CNTNAP3B: variants seen among roughly 807,000 people sequenced by gnomAD.
The protein encoded by CNTNAP3B is contactin-associated protein-like 3B.
A neutral mutation model predicts 108.9 loss-of-function variants in CNTNAP3B; 25 were observed. That is an observed-to-expected ratio of 0.23 (90% confidence interval 0.17 to 0.32). CNTNAP3B has a LOEUF of 0.32. Ranked by LOEUF, CNTNAP3B falls within the 10% of genes least tolerant of loss-of-function variation. CNTNAP3B has a pLI of 1.00. For synonymous variants in CNTNAP3B, 103 were observed against 473.4 expected, an observed-to-expected ratio of 0.22 and a Z score of 10.16; for missense variants, 252 against 1,210.4, an observed-to-expected ratio of 0.21 and a Z score of 11.75.
intron 15 of CNTNAP3B, among the ~76,000 whole-genome samples, chr9:41,924,408 A>G (rs1173914585): frequency 1.3e-5 from 2 of 152,306 alleles, no homozygotes; most frequent in East Asian, 1.9e-4. Context: ...GGTACGACCA[A>G]CAGAACTTAC....
At chr9:41,958,335 T>A (rs1824940510) in intron 12 of CNTNAP3B, among the ~76,000 whole-genome samples, 1 of 152,310 alleles carries the variant, frequency 6.6e-6, no homozygotes, top group Non-Finnish European at 1.5e-5. Flanking sequence ...GTTGCAGAGG[T>A]GGGGGTCTCA....
intron 15 of CNTNAP3B, among the ~76,000 whole-genome samples, chr9:41,927,332 A>G (rs1221480951): frequency 6.9e-6 from 1 of 145,430 alleles, no homozygotes; most frequent in African/African-American, 2.6e-5. Context: ...GTAGACTTAC[A>G]CTACAAGTAT....
In CNTNAP3B at chr9:42,073,914, A is replaced by AT. The variant is rs1237076410; in HGVS notation, c.390+2954dup. Among the ~76,000 whole-genome samples, 126 of 116,920 alleles carry AT rather than the reference A, an allele frequency of 1.1e-3. No homozygotes were observed. The Middle Eastern group carries it at 0.012, about 11-fold the overall frequency. The allele number at this position is 116,920 out of a possible 152,430, so 76.7% of individuals were successfully genotyped here. A position where few individuals can be genotyped will look rare whatever the true frequency, so the allele number is the denominator to read the frequency against. On this transcript the variant is annotated intron_variant, in intron 3 of 23. Transcript: ENST00000377561. ...GGCTGGGGAGGAGGTGGGGATAGTTATGGGCACAAAAAAATAGTAAGAATG... is the reference window on the plus strand; with the variant it reads ...GGCTGGGGAGGAGGTGGGGATAGTTATTGGGCACAAAAAAATAGTAAGAATG...
intron 10 of CNTNAP3B, among the ~76,000 whole-genome samples, chr9:41,967,936 C>T (rs1334552099): frequency 1.3e-5 from 2 of 152,234 alleles, no homozygotes; most frequent in African/African-American, 2.4e-5. Flanking sequence ...CTTAGTTGAG[C>T]ATGTTTACAA....
intron 2 of CNTNAP3B, among the ~76,000 whole-genome samples, chr9:42,080,128 G>A (rs1264027175): frequency 1.5e-5 from 2 of 134,344 alleles, no homozygotes; most frequent in Non-Finnish European, 3.1e-5. Context: ...CACGGTTCTG[G>A]TGTGCTACCC....
chr9:41,933,830 C>A (rs1191957766), intron 14 of CNTNAP3B, among the ~76,000 whole-genome samples: 1 of 151,982 alleles, frequency 6.6e-6, no homozygotes, highest in Admixed American at 6.6e-5. Flanking sequence ...TTATTGATTA[C>A]AGTTAAGAAT....
intron 1 of CNTNAP3B, among the ~76,000 whole-genome samples, chr9:42,127,431 T>C (rs1828596497): frequency 7.2e-6 from 1 of 139,486 alleles, no homozygotes; most frequent in Non-Finnish European, 1.5e-5. Context: ...GGTGGCAGGA[T>C]CTCAGATTTC....
intron 13 of CNTNAP3B, among the ~76,000 whole-genome samples, chr9:41,947,967 A>T (rs1285505523): frequency 6.6e-6 from 1 of 151,450 alleles, no homozygotes; most frequent in African/African-American, 2.4e-5. Flanking sequence ...CAATTCACCT[A>T]ACATGAAATA....
chr9:42,056,330 T>TTATTATTAC (rs1194367904), intron 3 of CNTNAP3B, among the ~76,000 whole-genome samples: 2 of 44,174 alleles, frequency 4.5e-5, no homozygotes, highest in African/African-American at 7.5e-5. Flanking sequence ...ATGAATTTTA[T>TTATTATTAC]TATTATTATT....
rs1048817009 is a variant in CNTNAP3B at position 42,094,630 on chromosome 9, C to G, written c.196+9999G>C. Among the ~76,000 whole-genome samples the G allele has an allele frequency of 2.0e-4, 24 of 122,430 alleles. 2 individuals are homozygous for G. The highest frequency in any genetic ancestry group is 3.7e-4 in the Non-Finnish European group (22 of 59,732). 80.3% of individuals were successfully genotyped at this position (122,430 alleles called of 152,430 possible). On this transcript the variant is annotated intron_variant, in intron 2 of 23. Transcript: ENST00000377561. ...GTGATCTTGCCACTGTACTCCAAAC[C>G]TGGGCAACAGAGCAAGACTGTGTTT...
Position 41,929,383 on chromosome 9 carries a change from T to C in CNTNAP3B, c.2299A>G (p.Thr767Ala), listed in dbSNP as rs1405793314. The stretch of plus-strand genomic sequence containing the variant: ...TCGGAATGTGGTTGGCCTGTGTCTG[T>C]CATCACAATCTGAGTGACTGGGAGG... ...EHLPVTQIVM[T>A]DTGQPHSEAD... is the part of the protein sequence containing the mutation. Residue 767 changes from threonine to alanine, a missense_variant, in exon 15 of 24, where the codon ACA becomes GCA. Coordinates refer to ENST00000377561, the MANE Select transcript of CNTNAP3B (RefSeq NM_001201380.3). 6.5e-7 allele frequency: 1 copy of C among 1,544,410 alleles called. No individual in the cohort carries two copies. Among genetic ancestry groups the C allele is most frequent in the African/African-American group, 1.6e-5 (1 of 64,506 alleles).
rs1294018710 is a variant in CNTNAP3B, at chr9:42,122,046, C to A, written c.85+6964G>T. 7.1e-5 allele frequency among the ~76,000 whole-genome samples: 10 copies of A among 139,896 alleles called. 1 individual carries two copies. The highest frequency in any genetic ancestry group is 2.5e-4 in the African/African-American group (9 of 35,496). The allele number at this position is 139,896 out of a possible 152,430, so 91.8% of individuals were successfully genotyped here. On this transcript the variant is annotated intron_variant, in intron 1 of 23. Transcript: ENST00000377561. ...GGATGTGTGCACACGCAGTGGGTTA[C>A]ATGACAAGTGAGGAGCCCTGAGCTT...
intron 2 of CNTNAP3B, among the ~76,000 whole-genome samples, chr9:42,084,323 T>C (rs1374214026): frequency 8.2e-6 from 1 of 121,220 alleles, no homozygotes; most frequent in Non-Finnish European, 1.7e-5. Context: ...TGATGGGTGA[T>C]GTGCAAATGG....
rs1294299856 is a variant in CNTNAP3B, at chr9:42,095,855, G to A, written c.196+8774C>T. 6.6e-5 allele frequency among the ~76,000 whole-genome samples: 9 copies of A among 136,818 alleles called. 1 individual carries two copies. Among genetic ancestry groups the A allele is most frequent in the East Asian group, 2.2e-4 (1 of 4,500 alleles). 89.8% of individuals were successfully genotyped at this position (136,818 alleles called of 152,430 possible). A position where few individuals can be genotyped will look rare whatever the true frequency, so the allele number is the denominator to read the frequency against. ...GCTTTGCTAATTGCCTTGGTAAAGC[G>A]GGGAGGGGAGTGTGTTCAAGCCCCA... is the stretch of plus-strand genomic sequence containing the variant. On this transcript the variant is annotated intron_variant, in intron 2 of 23. Coordinates refer to ENST00000377561, the MANE Select transcript of CNTNAP3B (RefSeq NM_001201380.3).
intron 14 of CNTNAP3B, among the ~76,000 whole-genome samples, chr9:41,934,156 T>TAC (rs1216743129): frequency 6.1e-5 from 8 of 130,732 alleles, no homozygotes; most frequent in African/African-American, 5.7e-5. Flanking sequence ...CACATATATA[T>TAC]ACACACACAC....
chr9:41,944,908 TAAAC>T (rs1242952405), intron 13 of CNTNAP3B, among the ~76,000 whole-genome samples: 1 of 152,254 alleles, frequency 6.6e-6, no homozygotes, highest in Non-Finnish European at 1.5e-5. Flanking sequence ...ACACAGAACT[TAAAC>T]AAATTTACAA....
At chr9:42,113,896 C>T (rs1320692068) in intron 1 of CNTNAP3B, among the ~76,000 whole-genome samples, 1 of 138,984 alleles carries the variant, frequency 7.2e-6, no homozygotes, top group East Asian at 2.2e-4. Context: ...ATCAAAACAT[C>T]TCATGTAGAC....
At chr9:41,999,589 G>A (rs1392075678) in intron 4 of CNTNAP3B, among the ~76,000 whole-genome samples, 3 of 120,628 alleles carry the variant, frequency 2.5e-5, no homozygotes, top group Admixed American at 8.5e-5. Flanking sequence ...ACATCCTATT[G>A]GTTCTGTTTC....
chr9:41,995,282 T>TA (rs912578928), intron 7 of CNTNAP3B, among the ~76,000 whole-genome samples: 3 of 41,660 alleles, frequency 7.2e-5, no homozygotes, highest in Non-Finnish European at 1.3e-4. Context: ...CTGTCTGTAC[T>TA]AAAAAAAATT....
Sources: gnomAD v4.1 joint callset for allele counts (sites outside exome capture counted in the v4.1 genomes callset) on GRCh38, gnomAD v4.1.1 for gene constraint, MANE v1.5 for transcripts, NCBI Gene and HGNC (gene_info 2026-07-23, HGNC 2026-07-21) for gene names.